The following ZNF536 variants were observed in gnomAD, a reference collection of about 807,000 sequenced individuals.
ZNF536 encodes zinc finger protein 536.
In ZNF536, 13 loss-of-function variants were observed where a neutral mutation model predicts 84.5. That is an observed-to-expected ratio of 0.15 (90% CI 0.10 to 0.24). The LOEUF is 0.24. ZNF536 is among the 10% of genes least tolerant of loss of function. The pLI, the probability that ZNF536 is intolerant of heterozygous loss-of-function variation, is 1.00. For missense variants in ZNF536, 1,536 were observed against 1,747.5 expected (o/e 0.88, Z 2.16); for synonymous variants, 811 against 742.5 (o/e 1.09, Z -1.50).
At chr19:30,588,351 C>T (rs1470647743) in intron 1 of ZNF536, among the ~76,000 whole-genome samples, 3 of 152,166 alleles carry the variant, frequency 2.0e-5, no homozygotes, top group African/African-American at 7.2e-5. Flanking sequence ...AATTGAGGGT[C>T]CTGATCACCA....
intron 1 of ZNF536, among the ~76,000 whole-genome samples, chr19:30,382,914 G>A (rs1014213400): frequency 6.6e-6 from 1 of 152,194 alleles, no homozygotes; most frequent in Non-Finnish European, 1.5e-5. Context: ...TTGTGCAAAA[G>A]AATTTCCCAT....
intron 2 of ZNF536, among the ~76,000 whole-genome samples, chr19:30,343,493 G>A (rs749856198): frequency 1.1e-4 from 16 of 152,088 alleles, no homozygotes; most frequent in African/African-American, 2.7e-4. Context: ...GTGAGGCTCC[G>A]ACTTAAGGGA....
At chr19:30,528,145 T>C (rs568384227) in intron 2 of ZNF536, among the ~76,000 whole-genome samples, 46 of 152,304 alleles carry the variant, frequency 3.0e-4, no homozygotes, top group Admixed American at 2.7e-3. Context: ...GCCAGGGTGT[T>C]CACAGAGTTA....
At chr19:30,636,343 T>G (rs921449884) in intron 1 of ZNF536, among the ~76,000 whole-genome samples, 1 of 152,148 alleles carries the variant, frequency 6.6e-6, no homozygotes, top group Admixed American at 6.5e-5. Flanking sequence ...GGGGAAGGGA[T>G]TGGGGACCGG....
intron 2 of ZNF536, among the ~76,000 whole-genome samples, chr19:30,308,519 G>A (rs1173047084): frequency 2.6e-5 from 4 of 152,244 alleles, no homozygotes; most frequent in South Asian, 4.2e-4. Flanking sequence ...TGAGTTGGGC[G>A]CCATCTTGGT....
intron 1 of ZNF536, among the ~76,000 whole-genome samples, chr19:30,568,030 T>C (rs2046414366): frequency 6.6e-6 from 1 of 152,210 alleles, no homozygotes; most frequent in African/African-American, 2.4e-5. Context: ...GCTATTATGA[T>C]AATTAAAAAC....
intron 2 of ZNF536, among the ~76,000 whole-genome samples, chr19:30,484,071 G>A (rs1258431603): frequency 3.3e-5 from 5 of 151,744 alleles, no homozygotes; most frequent in Admixed American, 6.6e-5. Context: ...GCCCATCCCC[G>A]CTGGTGCACC....
intron 2 of ZNF536, among the ~76,000 whole-genome samples, chr19:30,481,051 G>A (rs1241542587): frequency 1.3e-5 from 2 of 151,508 alleles, no homozygotes; most frequent in Admixed American, 1.3e-4. Flanking sequence ...AAAAGGGTGG[G>A]TTGGGGGGCT....
chr19:30,663,578 G>A (rs1333290875), intron 1 of ZNF536, among the ~76,000 whole-genome samples: 2 of 152,106 alleles, frequency 1.3e-5, no homozygotes, highest in Non-Finnish European at 2.9e-5. Context: ...CATCTGTAAA[G>A]TTCTAGATTT....
intron 1 of ZNF536, among the ~76,000 whole-genome samples, chr19:30,251,009 G>A (rs922440167): frequency 1.2e-4 from 18 of 151,972 alleles, no homozygotes; most frequent in East Asian, 5.8e-4. Flanking sequence ...TTAAGATCTC[G>A]GTGAACTTGA....
intron 2 of ZNF536, among the ~76,000 whole-genome samples, chr19:30,343,306 G>A (rs980612114): frequency 6.6e-6 from 1 of 152,202 alleles, no homozygotes; most frequent in Non-Finnish European, 1.5e-5. Context: ...TAGAGACTGT[G>A]TGTTTACGCC....
chr19:30,414,985 C>T (rs1396513648), intron 1 of ZNF536, among the ~76,000 whole-genome samples: 1 of 152,174 alleles, frequency 6.6e-6, no homozygotes, highest in Non-Finnish European at 1.5e-5. Context: ...ATTCTCATTC[C>T]TATGTGGGTA....
At chr19:30,597,985 A>G (rs2047527946) in intron 1 of ZNF536, among the ~76,000 whole-genome samples, 1 of 152,024 alleles carries the variant, frequency 6.6e-6, no homozygotes, top group Admixed American at 6.6e-5. Flanking sequence ...GCATGTTGTT[A>G]TTATTGCTAT....
intron 1 of ZNF536, among the ~76,000 whole-genome samples, chr19:30,623,903 T>A (rs951163476): frequency 2.0e-5 from 3 of 152,208 alleles, no homozygotes; most frequent in Admixed American, 2.0e-4. Flanking sequence ...AATGAGTGAA[T>A]GACTAAATGA....
chr19:30,613,560 G>A, intron 1 of ZNF536, among the ~76,000 whole-genome samples: 1 of 152,172 alleles, frequency 6.6e-6, no homozygotes, highest in East Asian at 1.9e-4. Context: ...AATTGTCTCA[G>A]ATTTGGCAAT....
rs747632104 is a variant in ZNF536 at position 30,445,641 on chromosome 19, C to A, written c.2079C>A (p.Asn693Lys). 1 of 1,612,790 alleles carries A rather than the reference C, an allele frequency of 6.2e-7. No homozygotes were observed. The highest frequency in any genetic ancestry group is 8.5e-7 in the Non-Finnish European group (1 of 1,179,600). The change falls in exon 2 of 5, where the codon AAC becomes AAA. Residue 693 changes from asparagine (N) to lysine (K), a missense_variant. Asn to Lys is a moderately conservative substitution (Grantham distance 94). This residue lies in a region of ZNF536 where 148 missense variants were observed against 205.4 expected (regional missense o/e 0.72). Transcript: ENST00000355537. The surrounding 1 kb of genome is among the most constrained non-coding windows in gnomAD (Gnocchi z 4.5). ...VSRSTTPGSSNVTEESGVGGG... is the reference protein window; with the variant it reads ...VSRSTTPGSSKVTEESGVGGG... ...GCTCCACCACGCCGGGCTCCTCTAA[C>A]GTCACCGAGGAGAGCGGGGTCGGAG...
At chr19:30,543,270 C>T (rs1373550337) in intron 3 of ZNF536, among the ~76,000 whole-genome samples, 1 of 152,224 alleles carries the variant, frequency 6.6e-6, no homozygotes, top group Non-Finnish European at 1.5e-5. Flanking sequence ...AAACACAAAG[C>T]AATGAACCAC....
At chr19:30,484,413 T>G (rs1361532974) in intron 2 of ZNF536, among the ~76,000 whole-genome samples, 5 of 144,842 alleles carry the variant, frequency 3.5e-5, no homozygotes, top group African/African-American at 1.4e-4. Context: ...TTTTTTTGTA[T>G]TTTTAGTAGA....
At chr19:30,488,195 C>G (rs1443734210) in intron 2 of ZNF536, among the ~76,000 whole-genome samples, 1 of 152,186 alleles carries the variant, frequency 6.6e-6, no homozygotes, top group Non-Finnish European at 1.5e-5. Flanking sequence ...GGTGTTCTAA[C>G]AGAAAGACCC....
Sources: gnomAD v4.1 joint callset for allele counts (sites outside exome capture counted in the v4.1 genomes callset) on GRCh38, gnomAD v4.1.1 for gene constraint, gnomAD v4.1.1 regional missense constraint, Gnocchi (gnomAD v3.1) non-coding constraint, MANE v1.5 for transcripts, NCBI Gene and HGNC (gene_info 2026-07-23, HGNC 2026-07-21) for gene names.